INPP4B: variants seen among roughly 807,000 people sequenced by gnomAD.
The protein encoded by INPP4B is inositol polyphosphate 4-phosphatase type II.
Under a neutral mutation model 122.5 loss-of-function variants are expected in INPP4B, and 55 were observed. The observed-to-expected ratio is 0.45, with a 90% confidence interval of 0.36 to 0.56. INPP4B has a LOEUF of 0.56. Among genes scored for constraint, INPP4B ranks in the 20% least tolerant of loss-of-function variants. INPP4B has a pLI of 0.00. For synonymous variants in INPP4B, 403 were observed against 388.7 expected, an observed-to-expected ratio of 1.04 and a Z score of -0.43; for missense variants, 1,000 against 1,097.7, an observed-to-expected ratio of 0.91 and a Z score of 1.26.
chr4:142,113,157 A>T (rs1791117707), intron 21 of INPP4B, among the ~76,000 whole-genome samples: 1 of 152,006 alleles, frequency 6.6e-6, no homozygotes, highest in Non-Finnish European at 1.5e-5. Context: ...ATGGAAAGGT[A>T]ATGGTTTTAT....
intron 1 of INPP4B, among the ~76,000 whole-genome samples, chr4:142,742,373 T>C (rs1366824393): frequency 1.3e-5 from 2 of 152,052 alleles, no homozygotes; most frequent in Non-Finnish European, 2.9e-5. Flanking sequence ...TGCTCTATCT[T>C]GTTTTTATTT....
intron 2 of INPP4B, among the ~76,000 whole-genome samples, chr4:142,716,724 A>T (rs13140375): frequency 0.067 from 10,199 of 152,254 alleles, 398 homozygotes; most frequent in African/African-American, 0.084. Context: ...TCATTGTATT[A>T]AAGTTTTTTC....
chr4:142,755,105 T>C (rs906563144), intron 1 of INPP4B, among the ~76,000 whole-genome samples: 5 of 152,056 alleles, frequency 3.3e-5, no homozygotes, highest in Non-Finnish European at 7.4e-5. Context: ...TTTTCTTCTA[T>C]AGGTGGCACA....
intron 1 of INPP4B, among the ~76,000 whole-genome samples, chr4:142,734,406 A>T (rs1766521924): frequency 6.6e-6 from 1 of 152,186 alleles, no homozygotes; most frequent in Non-Finnish European, 1.5e-5. Flanking sequence ...AAGTGGGAGG[A>T]AACGCTCTGA....
At chr4:142,192,300 A>G (rs2627827) in intron 15 of INPP4B, among the ~76,000 whole-genome samples, 109,899 of 126,816 alleles carry the variant, frequency 0.87, 48,518 homozygotes, top group East Asian at 0.95. Context: ...AAGAAAGAAA[A>G]AAACCTGCAC....
chr4:142,664,493 T>C (rs1239669413), intron 2 of INPP4B, among the ~76,000 whole-genome samples: 2 of 149,790 alleles, frequency 1.3e-5, no homozygotes, highest in African/African-American at 5.1e-5. Context: ...TACTAGATCA[T>C]TTCTAACACA....
At position 142,668,288 on chromosome 4, in the gene INPP4B, AT is replaced by A. The variant is rs201367471; in HGVS notation, c.-191+57550del. ...GATCACTTCAATAGATGCAGAAAAA[AT>A]ATTTTAAAAATCCAACTTCCTTTTA... On this transcript the variant is annotated intron_variant, in intron 2 of 25. Coordinates refer to ENST00000262992, the MANE Select transcript of INPP4B (RefSeq NM_001101669.3). 8.9e-3 allele frequency among the ~76,000 whole-genome samples: 1,352 copies of A among 152,336 alleles called. 25 individuals are homozygous for A. The highest frequency in any genetic ancestry group is 0.031 in the African/African-American group (1,282 of 41,582).
At chr4:142,605,924 T>C (rs777786041) in intron 2 of INPP4B, among the ~76,000 whole-genome samples, 5 of 151,956 alleles carry the variant, frequency 3.3e-5, no homozygotes, top group Non-Finnish European at 7.4e-5. Context: ...TGTCAATATA[T>C]CAAAGAACTG....
chr4:142,148,371 G>A (rs911947759), intron 17 of INPP4B, among the ~76,000 whole-genome samples: 1 of 151,982 alleles, frequency 6.6e-6, no homozygotes, highest in Admixed American at 6.5e-5. Context: ...TGCCCACCAC[G>A]CCTAACTAAT....
At chr4:142,758,107 T>G (rs933455047) in intron 1 of INPP4B, among the ~76,000 whole-genome samples, 1 of 152,148 alleles carries the variant, frequency 6.6e-6, no homozygotes, top group African/African-American at 2.4e-5. Context: ...TCTGGGATAA[T>G]AGTTTTTAAA....
intron 7 of INPP4B, among the ~76,000 whole-genome samples, chr4:142,381,304 C>T (rs938466996): frequency 2.0e-5 from 3 of 152,090 alleles, no homozygotes; most frequent in Non-Finnish European, 4.4e-5. Context: ...TTGATAATCA[C>T]ATTGCTATTT....
At chr4:142,245,975 T>C (rs571606037) in intron 11 of INPP4B, among the ~76,000 whole-genome samples, 1 of 22,936 alleles carries the variant, frequency 4.4e-5, no homozygotes, top group African/African-American at 1.1e-4. Flanking sequence ...TATACACACA[T>C]GTGTGTATGT....
chr4:142,451,250 T>G (rs1814135522), intron 3 of INPP4B, among the ~76,000 whole-genome samples: 1 of 141,694 alleles, frequency 7.1e-6, no homozygotes, highest in Non-Finnish European at 1.5e-5. Context: ...GCTGTTGTTT[T>G]TTTTTTTTTT....
chr4:142,249,130 A>G (rs1730641532), intron 11 of INPP4B, among the ~76,000 whole-genome samples: 2 of 152,110 alleles, frequency 1.3e-5, no homozygotes, highest in African/African-American at 2.4e-5. Context: ...TTTATGACTA[A>G]TAGCAGCACA....
chr4:142,451,991 T>C (rs1429799576), intron 3 of INPP4B, among the ~76,000 whole-genome samples: 2 of 152,126 alleles, frequency 1.3e-5, no homozygotes, highest in East Asian at 3.9e-4. Context: ...GCCATGTTGG[T>C]TTGCTGCACC....
intron 2 of INPP4B, among the ~76,000 whole-genome samples, chr4:142,581,619 A>ATCTATTAGAAATAGATAGAAGTTCCATT (rs1193175034): frequency 4.2e-5 from 6 of 143,552 alleles, no homozygotes; most frequent in African/African-American, 1.0e-4. Context: ...TTCCATTTCT[A>ATCTATTAGAAATAGATAGAAGTTCCATT]TCTATTAGAA....
intron 12 of INPP4B, among the ~76,000 whole-genome samples, chr4:142,210,873 C>G (rs1844592834): frequency 6.6e-6 from 1 of 152,052 alleles, no homozygotes; most frequent in Admixed American, 6.6e-5. Context: ...TTCTGGGATA[C>G]TGGGGGTGGT....
At chr4:142,037,913 C>T (rs1029049133) in intron 25 of INPP4B, among the ~76,000 whole-genome samples, 1 of 152,058 alleles carries the variant, frequency 6.6e-6, no homozygotes, top group Non-Finnish European at 1.5e-5. Context: ...TCAAGTTGAA[C>T]GTACACCTTT....
intron 2 of INPP4B, among the ~76,000 whole-genome samples, chr4:142,719,818 C>CA (rs1764276551): frequency 6.6e-6 from 1 of 151,900 alleles, no homozygotes; most frequent in Non-Finnish European, 1.5e-5. Flanking sequence ...AACAACTGAA[C>CA]AGAGATCCAT....
Sources: allele counts gnomAD v4.1 joint callset (sites outside exome capture counted in the v4.1 genomes callset), GRCh38; gene constraint gnomAD v4.1.1; transcripts MANE v1.5; gene names NCBI Gene and HGNC (gene_info 2026-07-23, HGNC 2026-07-21).